NDUFA5: variants seen among roughly 807,000 people sequenced by gnomAD.
NDUFA5 encodes the protein NADH dehydrogenase [ubiquinone] 1 alpha subcomplex subunit 5.
NDUFA5 carries 11 observed loss-of-function variants against 19.8 expected under a neutral mutation model. The observed-to-expected ratio is 0.56, with a 90% CI of 0.35 to 0.92. The LOEUF (loss-of-function observed/expected upper bound fraction) is 0.92. Among genes scored for constraint, NDUFA5 ranks in the 40% least tolerant of loss-of-function variants. The pLI is 0.01. For synonymous variants in NDUFA5, 47 were observed against 46.8 expected, an observed-to-expected ratio of 1.00 and a Z score of -0.01; for missense variants, 109 against 134.2, an observed-to-expected ratio of 0.81 and a Z score of 0.93.
chr7:123,573,586 C>T, the NDUFA5 span, among the ~76,000 whole-genome samples: 2 of 152,032 alleles, frequency 1.3e-5, no homozygotes, highest in Admixed American at 6.5e-5. Flanking sequence ...CCCAAACACT[C>T]CAGTTTATAA....
At chr7:123,572,361 G>A in the NDUFA5 span, among the ~76,000 whole-genome samples, 1 of 151,182 alleles carries the variant, frequency 6.6e-6, no homozygotes, top group East Asian at 1.9e-4. Flanking sequence ...GGACGGTCTC[G>A]ATCTCTTGAC....
In NDUFA5 at chr7:123,551,680, G is replaced by A. The variant is rs538779948; in HGVS notation, c.67-1094C>T. ...TTGCTTCTGATTATGAATGAGTTAC[G>A]ACATAAAGTCTGCATAAAAGGCTCA... is the stretch of plus-strand genomic sequence containing the variant. On this transcript the variant is annotated intron_variant, in intron 2 of 4. Coordinates refer to ENST00000355749, the MANE Select transcript of NDUFA5 (RefSeq NM_005000.5). 3.8e-4 allele frequency: 91 copies of A among 239,880 alleles called. 1 individual carries two copies. Among genetic ancestry groups the A allele is most frequent in the African/African-American group, 1.9e-3 (81 of 42,968 alleles). The allele number at this position is 239,880 out of a possible 1,614,324, so 14.9% of individuals were successfully genotyped here. A position where few individuals can be genotyped will look rare whatever the true frequency, so the allele number is the denominator to read the frequency against.
the NDUFA5 span, among the ~76,000 whole-genome samples, chr7:123,565,044 T>C: frequency 1.3e-5 from 2 of 152,132 alleles, no homozygotes; most frequent in Non-Finnish European, 2.9e-5. Context: ...ATCTGCTGTC[T>C]GCAAGCTGAT....
the NDUFA5 span, among the ~76,000 whole-genome samples, chr7:123,576,079 T>C: frequency 1.3e-5 from 2 of 151,316 alleles, no homozygotes; most frequent in African/African-American, 2.4e-5. Context: ...TATAAATATA[T>C]AGATATATAG....
upstream of NDUFA5, among the ~76,000 whole-genome samples, chr7:123,559,367 T>A (rs866952404): frequency 1.3e-5 from 2 of 149,544 alleles, no homozygotes; most frequent in African/African-American, 4.9e-5. Flanking sequence ...ATGGCTTCGC[T>A]GGTAAATTCC....
chr7:123,560,215 A>G (rs943056335), upstream of NDUFA5, among the ~76,000 whole-genome samples: 1 of 152,180 alleles, frequency 6.6e-6, no homozygotes, highest in African/African-American at 2.4e-5. Flanking sequence ...GAAAAACCCC[A>G]CAACATCATA....
At chr7:123,592,285 T>A in the NDUFA5 span, among the ~76,000 whole-genome samples, 1 of 152,148 alleles carries the variant, frequency 6.6e-6, no homozygotes, top group Admixed American at 6.5e-5. Flanking sequence ...CTCTGTCTCA[T>A]TCAGTTCTGC....
chr7:123,575,413 T>G, the NDUFA5 span, among the ~76,000 whole-genome samples: 2 of 152,096 alleles, frequency 1.3e-5, no homozygotes, highest in African/African-American at 2.4e-5. Context: ...CTCCTTTCAA[T>G]CTCAGATATT....
chr7:123,537,802 A>G lies in NDUFA5; in HGVS notation c.*4317T>C, dbSNP rs1797796571. The G allele has an allele frequency of 2.0e-5, 3 of 150,702 alleles. No individual in the cohort carries two copies. The South Asian group carries it at 6.3e-4, about 32-fold the overall frequency. 9.3% of individuals were successfully genotyped at this position (150,702 alleles called of 1,614,324 possible). A position where few individuals can be genotyped will look rare whatever the true frequency, so the allele number is the denominator to read the frequency against. On this transcript the variant is annotated 3_prime_UTR_variant, in exon 5 of 5. Transcript: ENST00000355749. ...AAAATAATTCACCCTCCAGTTATAGAGAGATTAAAATGCCAATATTTTGTA... is the reference window on the plus strand; with the variant it reads ...AAAATAATTCACCCTCCAGTTATAGGGAGATTAAAATGCCAATATTTTGTA...
At chr7:123,572,041 G>C in the NDUFA5 span, among the ~76,000 whole-genome samples, 1 of 151,134 alleles carries the variant, frequency 6.6e-6, no homozygotes, top group Non-Finnish European at 1.5e-5. Context: ...TCCTGCCTTG[G>C]TTTCCCAAAG....
chr7:123,559,774 C>G (rs760676390), upstream of NDUFA5, among the ~76,000 whole-genome samples: 1 of 144,838 alleles, frequency 6.9e-6, no homozygotes, highest in Non-Finnish European at 1.5e-5. Flanking sequence ...GAGAATCACT[C>G]AAACTCAGGA....
intron 3 of NDUFA5, among the ~76,000 whole-genome samples, chr7:123,547,863 A>T (rs1224685782): frequency 6.6e-6 from 1 of 152,138 alleles, no homozygotes; most frequent in Non-Finnish European, 1.5e-5. Flanking sequence ...CTGAATGCTC[A>T]CTATATACTT....
the NDUFA5 span, among the ~76,000 whole-genome samples, chr7:123,585,581 A>G: frequency 2.6e-5 from 4 of 151,742 alleles, no homozygotes; most frequent in Non-Finnish European, 5.9e-5. Context: ...ACATTGTGAA[A>G]TGATTACCAC....
chr7:123,575,520 A>G, the NDUFA5 span, among the ~76,000 whole-genome samples: 4 of 152,052 alleles, frequency 2.6e-5, no homozygotes, highest in Non-Finnish European at 5.9e-5. Context: ...TAACATCAAC[A>G]TTCTGCTCAG....
At chr7:123,551,493 G>A in intron 2 of NDUFA5, 1 of 966,456 alleles carries the variant, frequency 1.0e-6, no homozygotes, top group Non-Finnish European at 1.2e-6. Flanking sequence ...ACAGGCGTGA[G>A]CCCACCCAGC....
chr7:123,575,124 G>A, the NDUFA5 span, among the ~76,000 whole-genome samples: 2,446 of 135,238 alleles, frequency 0.018, 30 homozygotes, highest in Non-Finnish European at 0.029. Flanking sequence ...TTCAATTTTT[G>A]GATAATTTTT....
intron 2 of NDUFA5, chr7:123,555,910 G>C (rs1798520520): frequency 6.6e-6 from 1 of 152,202 alleles, no homozygotes; most frequent in Non-Finnish European, 1.5e-5. Flanking sequence ...ACTAACTCTA[G>C]TAGCCTGGCT....
the NDUFA5 span, among the ~76,000 whole-genome samples, chr7:123,595,181 A>T: frequency 6.6e-6 from 1 of 152,220 alleles, no homozygotes; most frequent in Non-Finnish European, 1.5e-5. Flanking sequence ...ATCACTGTTT[A>T]AAAATAAGCC....
At chr7:123,577,398 T>G in the NDUFA5 span, among the ~76,000 whole-genome samples, 1 of 152,190 alleles carries the variant, frequency 6.6e-6, no homozygotes, top group Admixed American at 6.5e-5. Flanking sequence ...CAGTTTCCCT[T>G]CCTTTAACAG....
Sources: allele counts gnomAD v4.1 joint callset (sites outside exome capture counted in the v4.1 genomes callset), GRCh38; gene constraint gnomAD v4.1.1; transcripts MANE v1.5; gene names NCBI Gene and HGNC (gene_info 2026-07-23, HGNC 2026-07-21).